CSMD1: variants seen among roughly 807,000 people sequenced by gnomAD.
The protein encoded by CSMD1 is CUB and sushi domain-containing protein 1.
Under a neutral mutation model 417.5 loss-of-function variants are expected in CSMD1, and 213 were observed. The ratio of observed to expected loss-of-function variants is 0.51; its 90% confidence interval spans 0.46 to 0.57. The LOEUF is 0.57. CSMD1 is among the 20% of genes least tolerant of loss of function. CSMD1 has a pLI of 0.00. For synonymous variants in CSMD1, 2,862 were observed against 1,736.8 expected (o/e 1.65, Z -16.11); for missense variants, 6,923 against 4,529.7 (o/e 1.53, Z -15.17).
At chr8:3,732,798 C>A (rs1395621461) in intron 6 of CSMD1, among the ~76,000 whole-genome samples, 1 of 152,104 alleles carries the variant, frequency 6.6e-6, no homozygotes, top group Admixed American at 6.5e-5. Flanking sequence ...TGAGTGATTC[C>A]GTTTCACCTG....
At chr8:3,972,368 G>A (rs1813147614) in intron 5 of CSMD1, among the ~76,000 whole-genome samples, 1 of 152,094 alleles carries the variant, frequency 6.6e-6, no homozygotes. Context: ...TTTTGCTAAA[G>A]CTCTTTTTTC....
At chr8:4,022,554 A>C (rs1289159410) in intron 4 of CSMD1, among the ~76,000 whole-genome samples, 1 of 152,160 alleles carries the variant, frequency 6.6e-6, no homozygotes, top group Non-Finnish European at 1.5e-5. Context: ...GGTGTCATGA[A>C]ACAGGGTGTG....
intron 1 of CSMD1, among the ~76,000 whole-genome samples, chr8:4,663,085 C>T (rs1408899065): frequency 6.6e-6 from 1 of 152,164 alleles, no homozygotes; most frequent in African/African-American, 2.4e-5. Context: ...AAGCCAACCC[C>T]TGAGGACAGG....
intron 2 of CSMD1, among the ~76,000 whole-genome samples, chr8:4,462,771 G>T (rs1799913351): frequency 6.6e-6 from 1 of 152,212 alleles, no homozygotes; most frequent in South Asian, 2.1e-4. Context: ...TCAGACAACT[G>T]AGTATCCACA....
intron 12 of CSMD1, among the ~76,000 whole-genome samples, chr8:3,453,640 C>T (rs912865668): frequency 6.6e-6 from 1 of 152,116 alleles, no homozygotes; most frequent in African/African-American, 2.4e-5. Flanking sequence ...CTTTCTTAAT[C>T]CTGAATTGTA....
intron 21 of CSMD1, among the ~76,000 whole-genome samples, chr8:3,354,434 T>C (rs959108789): frequency 2.1e-5 from 3 of 144,020 alleles, no homozygotes; most frequent in African/African-American, 5.1e-5. Context: ...AGCACAGAAA[T>C]AGAAAACAGC....
intron 25 of CSMD1, among the ~76,000 whole-genome samples, chr8:3,285,686 A>AT (rs1282729909): frequency 6.6e-6 from 1 of 152,120 alleles, no homozygotes; most frequent in Non-Finnish European, 1.5e-5. Flanking sequence ...GGCATGAGCC[A>AT]CCACGCCCAG....
At chr8:4,089,303 TGAAAGAA>T (rs1263558340) in intron 3 of CSMD1, among the ~76,000 whole-genome samples, 1 of 152,200 alleles carries the variant, frequency 6.6e-6, no homozygotes, top group South Asian at 2.1e-4. Flanking sequence ...TGTAGATGTT[TGAAAGAA>T]GAAAGAAGGA....
chr8:4,044,617 G>A (rs1014153569), intron 3 of CSMD1, among the ~76,000 whole-genome samples: 9 of 143,242 alleles, frequency 6.3e-5, no homozygotes, highest in Middle Eastern at 3.4e-3. Context: ...CTTCTCTCGT[G>A]CAATAAGAAG....
intron 2 of CSMD1, among the ~76,000 whole-genome samples, chr8:4,448,617 G>A (rs772302145): frequency 2.6e-5 from 4 of 152,170 alleles, no homozygotes; most frequent in Non-Finnish European, 4.4e-5. Flanking sequence ...ATTAATAAAT[G>A]TAATGGTGGG....
chr8:4,497,581 A>T (rs967891592), intron 2 of CSMD1, among the ~76,000 whole-genome samples: 1 of 152,162 alleles, frequency 6.6e-6, no homozygotes, highest in Non-Finnish European at 1.5e-5. Flanking sequence ...TGGAGTACAC[A>T]TGGTGGATGC....
intron 3 of CSMD1, among the ~76,000 whole-genome samples, chr8:4,378,124 C>A (rs567373988): frequency 1.3e-3 from 193 of 152,310 alleles, no homozygotes; most frequent in African/African-American, 4.5e-3. Flanking sequence ...TTACGGGTGG[C>A]ATGGAGTGTA....
intron 2 of CSMD1, among the ~76,000 whole-genome samples, chr8:4,610,476 C>T (rs1203117085): frequency 1.3e-5 from 2 of 152,118 alleles, no homozygotes; most frequent in African/African-American, 4.8e-5. Flanking sequence ...GGCTCCAGAA[C>T]CCAAGCTGAG....
At chr8:3,308,230 C>T (rs964695555) in intron 24 of CSMD1, 82 bp downstream of exon 24, 3 of 1,083,010 alleles carry the variant, frequency 2.8e-6, no homozygotes, top group Admixed American at 4.8e-5. Flanking sequence ...TCCTCTTTTC[C>T]AATAAAGGAA....
chr8:3,984,745 A>G lies in CSMD1; in HGVS notation c.818+13158T>C, dbSNP rs1308796184. Among the ~76,000 whole-genome samples the G allele has an allele frequency of 7.9e-4, 62 of 78,514 alleles. 1 individual carries two copies. Among genetic ancestry groups the G allele is most frequent in the African/African-American group, 1.5e-3 (28 of 18,834 alleles). The allele number at this position is 78,514 out of a possible 152,430, so 51.5% of individuals were successfully genotyped here. ...TATATATATATATATATATATATATATATATATTTGTATGTATTTGTGCGT... is the reference window on the plus strand; with the variant it reads ...TATATATATATATATATATATATATGTATATATTTGTATGTATTTGTGCGT... On this transcript the variant is annotated intron_variant, in intron 5 of 69. Transcript: ENST00000635120.
intron 3 of CSMD1, among the ~76,000 whole-genome samples, chr8:4,398,429 G>C (rs889228795): frequency 1.5e-4 from 16 of 107,858 alleles, no homozygotes; most frequent in Non-Finnish European, 2.5e-4. Flanking sequence ...GTCTCACTCT[G>C]TCACCCCAGG....
chr8:3,909,953 G>A lies in CSMD1; in HGVS notation c.818+87950C>T, dbSNP rs1286732989. 2.0e-5 allele frequency among the ~76,000 whole-genome samples: 3 copies of A among 152,042 alleles called. No homozygotes were observed. In the East Asian group the frequency reaches 5.8e-4, roughly 29 times the overall value. ...GACAAGGAAGAAAAAATGGCTTTTT[G>A]ACTGATATGCAGACAACACTTGGGA... On this transcript the variant is annotated intron_variant, in intron 5 of 69. Coordinates refer to ENST00000635120, the MANE Select transcript of CSMD1 (RefSeq NM_033225.6).
rs1052075884 is a variant in CSMD1, at chr8:4,033,348, A to G, written c.416-1249T>C. Among the ~76,000 whole-genome samples the G allele has an allele frequency of 1.6e-4, 25 of 152,252 alleles. No homozygotes were observed. In the South Asian group the frequency reaches 1.9e-3, roughly 11 times the overall value. The stretch of plus-strand genomic sequence containing the variant: ...TCCCAGCTACTTGGGAGGCTGAGGC[A>G]GGAGAATGGCGTGAACCCGGGAGGC... On this transcript the variant is annotated intron_variant, in intron 3 of 69. Coordinates refer to ENST00000635120, the MANE Select transcript of CSMD1 (RefSeq NM_033225.6).
intron 26 of CSMD1, chr8:3,278,909 T>TGAA (rs1335727707): frequency 1.3e-5 from 2 of 152,176 alleles, no homozygotes; most frequent in African/African-American, 4.8e-5. Flanking sequence ...CTTCCTGCAG[T>TGAA]GAAGCAGGGT....
Sources: allele counts gnomAD v4.1 joint callset (sites outside exome capture counted in the v4.1 genomes callset), GRCh38; gene constraint gnomAD v4.1.1; transcripts MANE v1.5; gene names NCBI Gene and HGNC (gene_info 2026-07-23, HGNC 2026-07-21).